The following PARVB variants were observed in gnomAD, a reference collection of about 807,000 sequenced individuals.
PARVB encodes the protein parvin beta.
A neutral mutation model predicts 47.0 loss-of-function variants in PARVB; 46 were observed. That is an observed-to-expected ratio of 0.98 (90% CI 0.77 to 1.25). The LOEUF is 1.25. Ranked by LOEUF, PARVB falls within the 50% of genes most tolerant of loss-of-function variation. The pLI is 0.00. For missense variants in PARVB, 473 were observed against 471.6 expected, an observed-to-expected ratio of 1.00 and a Z score of -0.03; for synonymous variants, 196 against 196.3, an observed-to-expected ratio of 1.00 and a Z score of 0.01.
At position 44,155,154 on chromosome 22, in the gene PARVB, T is replaced by C. The variant is rs1655541873; in HGVS notation, c.844-2828T>C. ...CATTGCGGACAGCGTCCCAGCTCTG[T>C]GATGGTGAGTGAACTCCTCAGCCTC... On this transcript the variant is annotated intron_variant, in intron 10 of 12. Coordinates refer to ENST00000338758, the MANE Select transcript of PARVB (RefSeq NM_013327.5). This position sits in a 1 kb window ranked among gnomAD's most constrained non-coding sequence, Gnocchi z 4.8. Among the ~76,000 whole-genome samples, 1 of 152,136 alleles carries C rather than the reference T, an allele frequency of 6.6e-6. No homozygotes were observed. The highest frequency in any genetic ancestry group is 2.4e-5 in the African/African-American group (1 of 41,422).
At chr22:44,122,568 G>C (rs59745077) in intron 4 of PARVB, among the ~76,000 whole-genome samples, 58 of 75,260 alleles carry the variant, frequency 7.7e-4, no homozygotes, top group Non-Finnish European at 1.4e-3. Context: ...GAGACAGAGA[G>C]AGAGAGAGAG....
At chr22:44,137,495 G>A (rs1419401138) in intron 7 of PARVB, among the ~76,000 whole-genome samples, 1 of 152,222 alleles carries the variant, frequency 6.6e-6, no homozygotes, top group East Asian at 1.9e-4. Flanking sequence ...GTTGTTTATT[G>A]TTGTGTAACA....
intron 1 of PARVB, chr22:44,081,619 A>G (rs2051902024): frequency 3.0e-6 from 3 of 984,396 alleles, no homozygotes; most frequent in South Asian, 4.7e-5. Context: ...GCTTTCCTTT[A>G]TGAAGTGCGT....
At chr22:44,081,708 G>A (rs939561159) in intron 1 of PARVB, 2 of 777,848 alleles carry the variant, frequency 2.6e-6, no homozygotes, top group Admixed American at 1.2e-4. Context: ...CCCCGCCTCG[G>A]TGGGGCTCAT....
chr22:44,096,483 C>G (rs958273323), intron 2 of PARVB, among the ~76,000 whole-genome samples: 4 of 152,190 alleles, frequency 2.6e-5, no homozygotes, highest in African/African-American at 9.7e-5. Flanking sequence ...ATTTCATATC[C>G]TTTGGGCTCA....
chr22:44,017,888 G>A (rs932322310), intron 2 of PARVB, among the ~76,000 whole-genome samples: 1 of 152,072 alleles, frequency 6.6e-6, no homozygotes, highest in African/African-American at 2.4e-5. Flanking sequence ...GTGTCAGGGG[G>A]GCCTTCCAAA....
rs112375575 is a variant in PARVB, at chr22:44,159,818, C to T, written c.945+1735C>T. The stretch of plus-strand genomic sequence containing the variant: ...ACACCCGTGTACTCAAAACTGCTTG[C>T]GGATGGGATGTTGATGGCATCCCTT... On this transcript the variant is annotated intron_variant, in intron 11 of 12. Transcript: ENST00000338758. Among the ~76,000 whole-genome samples the T allele has an allele frequency of 9.4e-3, 1,430 of 152,262 alleles. 10 individuals carry two copies. The highest frequency in any genetic ancestry group is 0.014 in the Non-Finnish European group (983 of 68,026).
rs536941081 is a variant in PARVB, at chr22:44,016,318, G to C, written c.211+16645G>C. 1.5e-3 allele frequency among the ~76,000 whole-genome samples: 230 copies of C among 151,900 alleles called. 1 individual carries two copies. The highest frequency in any genetic ancestry group is 4.8e-3 in the African/African-American group (197 of 41,444). On this transcript the variant is annotated intron_variant, in intron 2 of 13. Transcript: ENST00000406477. ...TCACCGTGTTAGCCAGGATGGTCTC[G>C]ATCTCCTGACTTCGTGATCCGCCCG...
At chr22:44,012,222 C>T (rs2050530647) in intron 2 of PARVB, among the ~76,000 whole-genome samples, 1 of 152,142 alleles carries the variant, frequency 6.6e-6, no homozygotes, top group Non-Finnish European at 1.5e-5. Context: ...GAACAAAACG[C>T]ATATGTGGTT....
At chr22:44,021,595 C>T (rs1445295693), upstream of PARVB, among the ~76,000 whole-genome samples, 1 of 152,070 alleles carries the variant, frequency 6.6e-6, no homozygotes, top group Non-Finnish European at 1.5e-5. Flanking sequence ...GCTATAGTCA[C>T]TGAGGAAATA....
At chr22:44,055,521 C>G (rs866681322) in intron 1 of PARVB, among the ~76,000 whole-genome samples, 11 of 151,798 alleles carry the variant, frequency 7.2e-5, no homozygotes, top group South Asian at 2.1e-4. Flanking sequence ...TTTTAGTAGA[C>G]ACGGGGTTTC....
At chr22:44,062,638 GAA>G (rs751974344) in intron 1 of PARVB, among the ~76,000 whole-genome samples, 4 of 140,324 alleles carry the variant, frequency 2.9e-5, no homozygotes, top group Admixed American at 7.2e-5. Context: ...ACCCTGTCTG[GAA>G]AAAAAAAAAA....
rs2267600 is a variant in PARVB, at chr22:44,049,779, C to T, written c.112+25328C>T. On this transcript the variant is annotated intron_variant, in intron 1 of 12. Coordinates refer to ENST00000338758, the MANE Select transcript of PARVB (RefSeq NM_013327.5). This position sits in a 1 kb window ranked among gnomAD's most constrained non-coding sequence, Gnocchi z 4.0. ...TTCCTATTAAAGCAGGAGACCTCTGCCCGGGAACGGGCCATTTGGGGGCTC... is the reference window on the plus strand; with the variant it reads ...TTCCTATTAAAGCAGGAGACCTCTGTCCGGGAACGGGCCATTTGGGGGCTC... Among the ~76,000 whole-genome samples the T allele has an allele frequency of 0.48, 73,130 of 152,080 alleles. 17,881 individuals are homozygous for T. The highest frequency in any genetic ancestry group is 0.54 in the East Asian group (2,788 of 5,156).
rs978553636 is a variant in PARVB at position 44,171,093 on chromosome 22, C to T, written c.*2415C>T. On this transcript the variant is annotated 3_prime_UTR_variant, in exon 13 of 13. Transcript: ENST00000338758. ...GGAACGTTCTGTGCTGCCTGCATGGCATGTACAGGACCGCGGCCCCCTGGA... is the reference window on the plus strand; with the variant it reads ...GGAACGTTCTGTGCTGCCTGCATGGTATGTACAGGACCGCGGCCCCCTGGA... 1 of 152,324 alleles carries T rather than the reference C, an allele frequency of 6.6e-6. No individual in the cohort carries two copies. The highest frequency in any genetic ancestry group is 2.4e-5 in the African/African-American group (1 of 41,466). The allele number at this position is 152,324 out of a possible 1,614,324, so 9.4% of individuals were successfully genotyped here. A position where few individuals can be genotyped will look rare whatever the true frequency, so the allele number is the denominator to read the frequency against.
At chr22:44,156,346 C>T (rs1460757420) in intron 10 of PARVB, among the ~76,000 whole-genome samples, 2 of 143,972 alleles carry the variant, frequency 1.4e-5, no homozygotes, top group East Asian at 2.1e-4. Context: ...GTGGCGCGAT[C>T]GCGGCTCACT....
chr22:44,021,166 C>T (rs2146869699), upstream of PARVB, among the ~76,000 whole-genome samples: 1 of 152,288 alleles, frequency 6.6e-6, no homozygotes, highest in Admixed American at 6.5e-5. Context: ...TGGACAAAAA[C>T]AGTATGACTC....
intron 3 of PARVB, among the ~76,000 whole-genome samples, chr22:44,101,157 C>G (rs530704224): frequency 6.6e-6 from 1 of 152,162 alleles, no homozygotes; most frequent in Admixed American, 6.5e-5. Context: ...CGCCTGTAAT[C>G]CCAGCACTTT....
intron 1 of PARVB, chr22:44,026,347 C>T (rs539332240): frequency 5.1e-6 from 5 of 985,516 alleles, no homozygotes; most frequent in Non-Finnish European, 6.0e-6. Context: ...AGCAGGACGC[C>T]GGGCACTGCT....
At chr22:44,095,922 C>T (rs375738857) in intron 2 of PARVB, among the ~76,000 whole-genome samples, 15 of 152,288 alleles carry the variant, frequency 9.8e-5, no homozygotes, top group Admixed American at 5.2e-4. Flanking sequence ...TCTCTCCCTC[C>T]GCTTAGAAGA....
Sources: allele counts gnomAD v4.1 joint callset (sites outside exome capture counted in the v4.1 genomes callset), GRCh38; gene constraint gnomAD v4.1.1; non-coding constraint Gnocchi (gnomAD v3.1); transcripts MANE v1.5; gene names NCBI Gene and HGNC (gene_info 2026-07-23, HGNC 2026-07-21).